TASP1: variants seen among roughly 807,000 people sequenced by gnomAD.
TASP1 encodes threonine aspartase 1.
In TASP1, 16 loss-of-function variants were observed where a neutral mutation model predicts 56.6. The ratio of observed to expected loss-of-function variants is 0.28; its 90% CI spans 0.19 to 0.43. TASP1 has a LOEUF of 0.43. TASP1 is among the 20% of genes least tolerant of loss of function. The probability of loss-of-function intolerance (pLI) is 1.00; values close to 1 mark genes in which losing one functional copy is unlikely to be tolerated. For synonymous variants in TASP1, 179 were observed against 184.2 expected, an observed-to-expected ratio of 0.97 and a Z score of 0.23; for missense variants, 393 against 511.6, an observed-to-expected ratio of 0.77 and a Z score of 2.24.
At chr20:13,521,630 TGTG>T (rs1220199938) in intron 10 of TASP1, among the ~76,000 whole-genome samples, 1 of 54,764 alleles carries the variant, frequency 1.8e-5, no homozygotes, top group Non-Finnish European at 3.5e-5. Flanking sequence ...CGGGGCTTGT[TGTG>T]GGGTGGGGGA....
In TASP1 at chr20:13,456,019, G is replaced by A. The variant is rs545545385; in HGVS notation, c.986-20865C>T. On this transcript the variant is annotated intron_variant, in intron 11 of 13. Transcript: ENST00000337743. The stretch of plus-strand genomic sequence containing the variant: ...CTTTCAATGGGAATTTTAAACAAGC[G>A]GGATCAAGATCCTCAAGCACTTCTT... 4.6e-5 allele frequency among the ~76,000 whole-genome samples: 7 copies of A among 152,178 alleles called. No individual in the cohort carries two copies. In the East Asian group the frequency reaches 9.7e-4, roughly 21 times the overall value.
the TASP1 span, among the ~76,000 whole-genome samples, chr20:13,207,925 T>G: frequency 6.6e-6 from 1 of 151,944 alleles, no homozygotes; most frequent in African/African-American, 2.4e-5. Flanking sequence ...ACAATCCAAT[T>G]TACCACAGGA....
chr20:13,152,277 T>G, the TASP1 span, among the ~76,000 whole-genome samples: 1 of 152,216 alleles, frequency 6.6e-6, no homozygotes, highest in Admixed American at 6.5e-5. Flanking sequence ...CAAGAGCTTA[T>G]AACAGTGGTG....
At chr20:13,407,567 C>T (rs1396167509) in intron 13 of TASP1, among the ~76,000 whole-genome samples, 1 of 152,122 alleles carries the variant, frequency 6.6e-6, no homozygotes, top group Admixed American at 6.5e-5. Context: ...GTGGACCTAT[C>T]TTTTCATTTT....
At chr20:13,108,842 T>G in the TASP1 span, among the ~76,000 whole-genome samples, 1 of 152,204 alleles carries the variant, frequency 6.6e-6, no homozygotes, top group Non-Finnish European at 1.5e-5. Context: ...GTGAGCATTT[T>G]AAATGGTGTT....
intron 12 of TASP1, among the ~76,000 whole-genome samples, chr20:13,424,996 T>C (rs989540161): frequency 3.9e-5 from 6 of 152,268 alleles, no homozygotes; most frequent in Admixed American, 1.3e-4. Context: ...ATGGCTTAGA[T>C]AGGGATGAGC....
chr20:13,221,246 CCTCCTCCTCCTCCTCCTT>C, the TASP1 span, among the ~76,000 whole-genome samples: 20 of 144,558 alleles, frequency 1.4e-4, no homozygotes, highest in African/African-American at 4.1e-4. Flanking sequence ...TCCTCCTCCT[CCTCCTCCTCCTCCTCCTT>C]CTCCTTCTCC....
At chr20:13,191,163 T>C in the TASP1 span, among the ~76,000 whole-genome samples, 1 of 152,206 alleles carries the variant, frequency 6.6e-6, no homozygotes. Flanking sequence ...GTACAGCCAT[T>C]AAAACAAAAC....
intron 6 of TASP1, among the ~76,000 whole-genome samples, chr20:13,576,009 C>T (rs1056204356): frequency 3.9e-5 from 6 of 151,910 alleles, no homozygotes; most frequent in Admixed American, 1.3e-4. Context: ...GTCAGGTGTT[C>T]GAGATCAGCC....
chr20:13,344,544 A>G, the TASP1 span, among the ~76,000 whole-genome samples: 1 of 152,182 alleles, frequency 6.6e-6, no homozygotes, highest in Non-Finnish European at 1.5e-5. Context: ...GCCTGTACAG[A>G]TATCTGTACC....
At chr20:13,140,900 T>G in the TASP1 span, among the ~76,000 whole-genome samples, 4 of 152,216 alleles carry the variant, frequency 2.6e-5, no homozygotes, top group Non-Finnish European at 5.9e-5. Flanking sequence ...TTGTGAAATT[T>G]TATCATGAGA....
chr20:13,447,780 T>C (rs1276941246), intron 11 of TASP1, among the ~76,000 whole-genome samples: 1 of 152,144 alleles, frequency 6.6e-6, no homozygotes. Flanking sequence ...ATCAACATAA[T>C]CCCAAACTGA....
At chr20:13,423,503 T>C (rs1414981447) in intron 12 of TASP1, among the ~76,000 whole-genome samples, 2 of 152,138 alleles carry the variant, frequency 1.3e-5, no homozygotes, top group African/African-American at 4.8e-5. Context: ...AAAAAAACAC[T>C]AGTCTACAAG....
At chr20:13,160,164 T>A in the TASP1 span, 3 of 1,585,036 alleles carry the variant, frequency 1.9e-6, no homozygotes, top group Non-Finnish European at 2.6e-6. Context: ...GGGATCTCAG[T>A]ACCAGTACCT....
the TASP1 span, among the ~76,000 whole-genome samples, chr20:13,189,881 C>T: frequency 6.6e-6 from 1 of 152,078 alleles, no homozygotes; most frequent in African/African-American, 2.4e-5. Flanking sequence ...TTCATAATAG[C>T]AAAGACATAA....
the TASP1 span, chr20:13,368,510 C>T: frequency 1.3e-5 from 2 of 152,168 alleles, no homozygotes; most frequent in Non-Finnish European, 1.5e-5. Flanking sequence ...TACACTAACT[C>T]CTGGCAGCCA....
chr20:13,232,884 C>T, the TASP1 span, among the ~76,000 whole-genome samples: 10,238 of 152,246 alleles, frequency 0.067, 476 homozygotes, highest in Middle Eastern at 0.14. Context: ...GATACTGTCT[C>T]CTTAGAAGGA....
chr20:13,127,335 CAT>C, the TASP1 span, among the ~76,000 whole-genome samples: 1 of 152,222 alleles, frequency 6.6e-6, no homozygotes, highest in Non-Finnish European at 1.5e-5. Flanking sequence ...GATTCTACCA[CAT>C]GTCACACACC....
intron 13 of TASP1, among the ~76,000 whole-genome samples, chr20:13,414,419 T>A (rs112349819): frequency 7.9e-5 from 12 of 152,300 alleles, no homozygotes; most frequent in African/African-American, 2.9e-4. Context: ...TATATAGTTA[T>A]TATTTTTCCC....
Sources: gnomAD v4.1 joint callset for allele counts (sites outside exome capture counted in the v4.1 genomes callset) on GRCh38, gnomAD v4.1.1 for gene constraint, MANE v1.5 for transcripts, NCBI Gene and HGNC (gene_info 2026-07-23, HGNC 2026-07-21) for gene names.